The following FARSB variants were observed in gnomAD, a reference collection of about 807,000 sequenced individuals.
FARSB encodes phenylalanine--tRNA ligase beta subunit.
Under a neutral mutation model 69.6 loss-of-function variants are expected in FARSB, and 40 were observed. That is an observed-to-expected ratio of 0.57 (90% CI 0.45 to 0.75). FARSB has a LOEUF of 0.75. FARSB is among the 30% of genes least tolerant of loss of function. The pLI, the probability that FARSB is intolerant of heterozygous loss-of-function variation, is 0.00. For synonymous variants in FARSB, 235 were observed against 247.2 expected (o/e 0.95, Z 0.46); for missense variants, 632 against 722.9 (o/e 0.87, Z 1.44).
rs759739651 is a variant in FARSB at position 222,624,274 on chromosome 2, G to A, written c.1168C>T (p.Gln390Ter). 1.3e-6 allele frequency: 2 copies of A among 1,587,718 alleles called. No homozygotes were observed. The highest frequency in any genetic ancestry group is 8.6e-7 in the Non-Finnish European group (1 of 1,157,274). ...TTTATTTAAGGGTGCAATCTTACTT[G>A]ATTAGCTATGGTGTAAGTTTTCGGG... ...TLPKTYTIANQFPLNKLTELL... is the reference protein window; with the variant it reads ...TLPKTYTIAN Residue 390 changes from glutamine (Q) to a stop codon, truncating the protein, a stop_gained and splice_region_variant, in exon 12 of 17, where the codon CAA (glutamine) becomes TAA (stop). Transcript: ENST00000281828. LOFTEE classifies it high-confidence loss of function.
intron 16 of FARSB, among the ~76,000 whole-genome samples, 194 bp from the exon 17 acceptor site, chr2:222,572,216 A>G (rs745493494): frequency 3.3e-5 from 5 of 152,198 alleles, no homozygotes; most frequent in Admixed American, 6.5e-5. Flanking sequence ...TTGCAAGGAA[A>G]AAATCCGGGG....
rs1691065586 is a variant in FARSB, at chr2:222,618,932, G to A, written c.1344+713C>T. Among the ~76,000 whole-genome samples, 5 of 152,098 alleles carry A rather than the reference G, an allele frequency of 3.3e-5. No homozygotes were observed. In the South Asian group the frequency reaches 1.0e-3, roughly 32 times the overall value. On this transcript the variant is annotated intron_variant, in intron 14 of 16. Coordinates refer to ENST00000281828, the MANE Select transcript of FARSB (RefSeq NM_005687.5). ...TCACTTTGCGGATCACTTGAGATCA[G>A]GAGTTCAGAACCAGCCTCGCCAACA...
chr2:222,587,271 G>A (rs1161097217), intron 16 of FARSB, among the ~76,000 whole-genome samples: 1 of 152,140 alleles, frequency 6.6e-6, no homozygotes. Flanking sequence ...GGTACCTAAC[G>A]AAATGAAGTC....
At chr2:222,574,856 C>T (rs1689797939) in intron 16 of FARSB, among the ~76,000 whole-genome samples, 1 of 152,214 alleles carries the variant, frequency 6.6e-6, no homozygotes, top group Admixed American at 6.5e-5. Context: ...ATAAAAGCTC[C>T]TTCAAGTTGT....
At chr2:222,580,039 C>G (rs1278199343) in intron 16 of FARSB, among the ~76,000 whole-genome samples, 4 of 152,106 alleles carry the variant, frequency 2.6e-5, no homozygotes, top group Non-Finnish European at 5.9e-5. Context: ...TAAATGGACT[C>G]TATCACAGTT....
chr2:222,630,221 C>G, intron 8 of FARSB, 47 bp from the exon 9 acceptor site: 2 of 934,222 alleles, frequency 2.1e-6, no homozygotes, highest in Non-Finnish European at 3.3e-6. Context: ...AATATATTCT[C>G]TTCACTCAGA....
In FARSB at chr2:222,575,561, G is replaced by A. The variant is rs148307132; in HGVS notation, c.1619-3539C>T. Among the ~76,000 whole-genome samples the A allele has an allele frequency of 1.5e-3, 233 of 152,290 alleles. 1 individual carries two copies. The highest frequency in any genetic ancestry group is 0.013 in the Admixed American group (199 of 15,296). On this transcript the variant is annotated intron_variant, in intron 16 of 16. Transcript: ENST00000281828. ...TCCCCAGCAAAAAGCCTCCGAGCCC[G>A]CTTTTCTACCTACTTCCTTATACTG... is the stretch of plus-strand genomic sequence containing the variant.
rs142890423 is a variant in FARSB at position 222,633,579 on chromosome 2, G to A, written c.607-272C>T. Among the ~76,000 whole-genome samples the A allele has an allele frequency of 9.1e-3, 1,379 of 151,908 alleles. 24 individuals carry two copies. The highest frequency in any genetic ancestry group is 0.032 in the African/African-American group (1,318 of 41,424). ...TGCCTGTAATCCCAGCTACTCGGGA[G>A]GCTGAGGCAGGAGGATCACTTGAAC... is the stretch of plus-strand genomic sequence containing the variant. On this transcript the variant is annotated intron_variant, in intron 6 of 16. Transcript: ENST00000281828.
intron 11 of FARSB, 33 bp from the exon 12 acceptor site, chr2:222,624,512 T>C (rs374065770): frequency 7.1e-6 from 10 of 1,408,926 alleles, no homozygotes; most frequent in African/African-American, 1.4e-5. Context: ...ATAAACTTCA[T>C]TGGATTATTT....
Position 222,606,311 on chromosome 2 carries a change from T to C in FARSB, c.1463-6228A>G, listed in dbSNP as rs1354169083. 6.6e-5 allele frequency among the ~76,000 whole-genome samples: 10 copies of C among 152,212 alleles called. No individual in the cohort carries two copies. The East Asian group carries it at 1.9e-3, about 29-fold the overall frequency. On this transcript the variant is annotated intron_variant, in intron 15 of 16. Coordinates refer to ENST00000281828, the MANE Select transcript of FARSB (RefSeq NM_005687.5). ...TCCTCCTTGAAATTGCTGGGTATAGTAACATTCCCATTTCCTAGTATGTTG... is the reference window on the plus strand; with the variant it reads ...TCCTCCTTGAAATTGCTGGGTATAGCAACATTCCCATTTCCTAGTATGTTG...
chr2:222,605,476 A>G (rs972944748), intron 15 of FARSB, among the ~76,000 whole-genome samples: 2 of 152,216 alleles, frequency 1.3e-5, no homozygotes, highest in African/African-American at 2.4e-5. Context: ...AATCTTTGCC[A>G]AATTCCAAGT....
chr2:222,613,275 T>C (rs1187235926), intron 15 of FARSB, among the ~76,000 whole-genome samples: 2 of 152,198 alleles, frequency 1.3e-5, no homozygotes, highest in South Asian at 4.1e-4. Flanking sequence ...ACTAAAGTAG[T>C]TGGGCGCCAG....
chr2:222,593,996 C>T (rs1690344745), intron 16 of FARSB, among the ~76,000 whole-genome samples: 1 of 148,480 alleles, frequency 6.7e-6, no homozygotes, highest in South Asian at 2.1e-4. Flanking sequence ...GTGGCTCACA[C>T]CTATAATCTC....
rs993064194 is a variant in FARSB, at chr2:222,619,263, G to A, written c.1344+382C>T. On this transcript the variant is annotated intron_variant, in intron 14 of 16. Transcript: ENST00000281828. ...AGAGGTTGCAGTGAGCCGAGATCGT[G>A]CCACTGCACTCCAGCCTGAGCAACA... 1.2e-4 allele frequency among the ~76,000 whole-genome samples: 18 copies of A among 150,756 alleles called. 1 individual carries two copies. Among genetic ancestry groups the A allele is most frequent in the Admixed American group, 1.1e-3 (17 of 15,134 alleles).
chr2:222,649,240 A>T (rs1051977622), intron 1 of FARSB, among the ~76,000 whole-genome samples: 2 of 149,518 alleles, frequency 1.3e-5, no homozygotes, highest in African/African-American at 5.0e-5. Context: ...AAATTAAAAA[A>T]AAAAAAAAAA....
In FARSB at chr2:222,634,467, C is replaced by T. The variant is rs773396035; in HGVS notation, c.530G>A (p.Arg177His). 2.4e-5 allele frequency: 38 copies of T among 1,611,870 alleles called. No individual in the cohort carries two copies. Among genetic ancestry groups the T allele is most frequent in the Admixed American group, 1.7e-5 (1 of 59,872 alleles). ...AGGCTTGAATTTGATATCTGAAGGA[C>T]GCTTTGCAGTATAAGTAAATGGGCC... Reference protein sequence around the residue: ...LSGPFTYTAKRPSDIKFKPLN... With the variant: ...LSGPFTYTAKHPSDIKFKPLN... Residue 177 changes from arginine (R) to histidine (H), a missense_variant, in exon 6 of 17, where the codon CGT (arginine) becomes CAT (histidine). Transcript: ENST00000281828.
At position 222,569,871 on chromosome 2, in the gene FARSB, G is replaced by A. The variant is rs184963633; in HGVS notation, c.*2000C>T. Among the ~76,000 whole-genome samples, 1 of 152,252 alleles carries A rather than the reference G, an allele frequency of 6.6e-6. No individual in the cohort carries two copies. Among genetic ancestry groups the A allele is most frequent in the Admixed American group, 6.5e-5 (1 of 15,294 alleles). ...ATTTGTAACTACTATAAGTAACACT[G>A]TGAACACTTGCATAAAAATCTTTGG... On this transcript the variant is annotated 3_prime_UTR_variant, in exon 17 of 17. Transcript: ENST00000281828.
At chr2:222,627,496 A>G (rs1007435963) in intron 10 of FARSB, among the ~76,000 whole-genome samples, 3 of 152,214 alleles carry the variant, frequency 2.0e-5, no homozygotes, top group Non-Finnish European at 4.4e-5. Context: ...AGCCCAGCAG[A>G]GATTAGCCAA....
At chr2:222,628,955 T>C in intron 9 of FARSB, 67 bp from the exon 10 acceptor site, 3 of 1,116,158 alleles carry the variant, frequency 2.7e-6, no homozygotes, top group Non-Finnish European at 4.1e-6. Context: ...GACATGAGTA[T>C]GGTTATCAAA....
Sources: allele counts gnomAD v4.1 joint callset (sites outside exome capture counted in the v4.1 genomes callset), GRCh38; gene constraint gnomAD v4.1.1; transcripts MANE v1.5; gene names NCBI Gene and HGNC (gene_info 2026-07-23, HGNC 2026-07-21).